The following RECK variants were observed in gnomAD, a reference collection of about 807,000 sequenced individuals.
RECK encodes reversion inducing cysteine rich protein with kazal motifs, also known as reversion-inducing cysteine-rich protein with Kazal motifs.
Under a neutral mutation model 115.1 loss-of-function variants are expected in RECK, and 69 were observed. The observed-to-expected ratio is 0.60, with a 90% CI of 0.49 to 0.73. The LOEUF is 0.73. Among genes scored for constraint, RECK ranks in the 30% least tolerant of loss-of-function variants. The pLI, the probability that RECK is intolerant of heterozygous loss-of-function variation, is 0.00. For missense variants in RECK, 1,047 were observed against 1,203.7 expected (o/e 0.87, Z 1.93); for synonymous variants, 414 against 419.7 (o/e 0.99, Z 0.17).
At chr9:36,081,099 T>A (rs1822668448) in intron 7 of RECK, among the ~76,000 whole-genome samples, 1 of 152,096 alleles carries the variant, frequency 6.6e-6, no homozygotes, top group Non-Finnish European at 1.5e-5. Flanking sequence ...TAGAGGTGGC[T>A]TCATGGAGTT....
chr9:36,071,123 C>G (rs1196764637), intron 6 of RECK, among the ~76,000 whole-genome samples: 1 of 152,162 alleles, frequency 6.6e-6, no homozygotes, highest in African/African-American at 2.4e-5. Context: ...TGCACATTGG[C>G]TGATTAGAAC....
In RECK at chr9:36,100,607, G is replaced by C. The variant is rs955751480; in HGVS notation, c.1298+64G>C. 81 of 1,233,762 alleles carry C rather than the reference G, an allele frequency of 6.6e-5. No homozygotes were observed. The African/African-American group carries it at 1.1e-3, about 17-fold the overall frequency. The allele number at this position is 1,233,762 out of a possible 1,614,324, so 76.4% of individuals were successfully genotyped here. ...TCAGACCCTCCGTGATCTCTAGCCA[G>C]AGCCTCTCCATAGAATTTTCTCTCT... is the stretch of plus-strand genomic sequence containing the variant. On this transcript the variant is annotated intron_variant, in intron 11 of 20. Coordinates refer to ENST00000377966, the MANE Select transcript of RECK (RefSeq NM_021111.3).
intron 1 of RECK, among the ~76,000 whole-genome samples, chr9:36,037,392 T>C (rs1161654932): frequency 6.6e-6 from 1 of 151,632 alleles, no homozygotes; most frequent in Non-Finnish European, 1.5e-5. Flanking sequence ...CCTCTGCTGC[T>C]TGTCAGAAAA....
chr9:36,069,752 G>A (rs1822156307), intron 6 of RECK, among the ~76,000 whole-genome samples: 1 of 152,004 alleles, frequency 6.6e-6, no homozygotes, highest in Admixed American at 6.6e-5. Context: ...AATAGGATGG[G>A]CAGGAGCAGT....
In RECK at chr9:36,036,924, G is replaced by A. The variant is rs1334055744; in HGVS notation, c.-75G>A. ...GGGGGCGGGGCCTCGCGCGAGCGGC[G>A]GCGGTAGCGGCGGCAGCGGCTGCGG... On this transcript the variant is annotated 5_prime_UTR_variant, in exon 1 of 21. Transcript: ENST00000377966. 23 of 977,854 alleles carry A rather than the reference G, an allele frequency of 2.4e-5. No individual in the cohort carries two copies. Among genetic ancestry groups the A allele is most frequent in the Non-Finnish European group, 1.3e-5 (10 of 745,268 alleles). 60.6% of individuals were successfully genotyped at this position (977,854 alleles called of 1,614,324 possible).
intron 9 of RECK, among the ~76,000 whole-genome samples, chr9:36,088,744 C>T (rs1310370235): frequency 6.6e-6 from 1 of 152,202 alleles, no homozygotes; most frequent in Non-Finnish European, 1.5e-5. Context: ...GAAGGTCGGG[C>T]GCGGTGGCTC....
chr9:36,107,965 TG>T lies in RECK; in HGVS notation c.1577-10del. The T allele has an allele frequency of 6.2e-7, 1 of 1,603,526 alleles. No individual in the cohort carries two copies. On this transcript the variant is annotated splice_polypyrimidine_tract_variant and intron_variant, in intron 13 of 20. Coordinates refer to ENST00000377966, the MANE Select transcript of RECK (RefSeq NM_021111.3). ...AGTACCATCTCTCTCAGCTAATTTT[TG>T]CTTGTACAGGTTGCAAACTGGGAGA...
At chr9:36,037,175 G>C in intron 1 of RECK, 77 bp downstream of exon 1, 1 of 1,041,498 alleles carries the variant, frequency 9.6e-7, no homozygotes, top group Non-Finnish European at 1.2e-6. Flanking sequence ...GCGGGGCAGG[G>C]GGCGGGGGTG....
chr9:36,087,745 A>G lies in RECK; in HGVS notation c.689A>G (p.Lys230Arg). The G allele has an allele frequency of 1.2e-6, 2 of 1,613,618 alleles. No individual in the cohort carries two copies. Among genetic ancestry groups the G allele is most frequent in the Middle Eastern group, 1.7e-4 (1 of 6,056 alleles). Residue 230 changes from lysine to arginine, a missense_variant, in exon 9 of 21, where the codon AAG becomes AGG. Coordinates refer to ENST00000377966, the MANE Select transcript of RECK (RefSeq NM_021111.3). ...GACCATGCTTGCCAAAATGCCTGCA[A>G]GAGAATCCTGATGTCCAAGAAAACG... ...AEDHACQNACKRILMSKKTEM... is the reference protein window; with the variant it reads ...AEDHACQNACRRILMSKKTEM...
chr9:36,109,131 A>G (rs945821630), intron 14 of RECK, among the ~76,000 whole-genome samples: 13 of 152,142 alleles, frequency 8.5e-5, no homozygotes, highest in Non-Finnish European at 1.5e-4. Flanking sequence ...TTTGTATCAC[A>G]GAAAATATCA....
chr9:36,041,597 T>A (rs925030512), intron 1 of RECK, among the ~76,000 whole-genome samples: 2 of 151,956 alleles, frequency 1.3e-5, no homozygotes, highest in African/African-American at 4.8e-5. Flanking sequence ...AAGCCAAGGG[T>A]AGGAAATTCA....
chr9:36,105,001 G>A (rs1012767923), intron 12 of RECK, 142 bp from the exon 13 acceptor site: 9 of 588,116 alleles, frequency 1.5e-5, no homozygotes, highest in African/African-American at 1.1e-4. Flanking sequence ...AAGAATCTCG[G>A]TGTTTTAATA....
At chr9:36,070,311 C>A (rs1339155836) in intron 6 of RECK, among the ~76,000 whole-genome samples, 1 of 151,690 alleles carries the variant, frequency 6.6e-6, no homozygotes, top group African/African-American at 2.4e-5. Context: ...ACTAAAAGAC[C>A]CATATCTCAG....
intron 10 of RECK, 117 bp from the exon 11 acceptor site, chr9:36,100,214 T>C (rs1823508527): frequency 4.2e-6 from 3 of 712,288 alleles, no homozygotes; most frequent in Admixed American, 2.6e-5. Flanking sequence ...ATGGGTTGTA[T>C]GTGCTTTCTT....
chr9:36,097,373 G>C (rs1189638134), intron 10 of RECK, among the ~76,000 whole-genome samples: 3 of 145,978 alleles, frequency 2.1e-5, no homozygotes, highest in African/African-American at 7.5e-5. Context: ...AACTTTCAAA[G>C]ACCCTTTACC....
At chr9:36,071,363 A>C (rs1475721783) in intron 6 of RECK, among the ~76,000 whole-genome samples, 1 of 152,176 alleles carries the variant, frequency 6.6e-6, no homozygotes, top group Non-Finnish European at 1.5e-5. Context: ...AATGGCTATA[A>C]AGTGATGAGA....
chr9:36,095,858 G>C (rs1401856668), intron 10 of RECK, among the ~76,000 whole-genome samples: 1 of 149,794 alleles, frequency 6.7e-6, no homozygotes, highest in Non-Finnish European at 1.5e-5. Context: ...ATCACCTGAG[G>C]TCAGGAGTTC....
Position 36,094,029 on chromosome 9 carries a change from T to C in RECK, c.1085+2686T>C, listed in dbSNP as rs1823252241. On this transcript the variant is annotated intron_variant, in intron 10 of 20. Coordinates refer to ENST00000377966, the MANE Select transcript of RECK (RefSeq NM_021111.3). The surrounding 1 kb of genome is among the most constrained non-coding windows in gnomAD (Gnocchi z 4.1). ...TGAAAATATTCTTCAAAAATAAAGG[T>C]ATTTCTAGATATTACAAAAAAAAAC... Among the ~76,000 whole-genome samples, 1 of 151,696 alleles carries C rather than the reference T, an allele frequency of 6.6e-6. No individual in the cohort carries two copies. Among genetic ancestry groups the C allele is most frequent in the Admixed American group, 6.6e-5 (1 of 15,212 alleles).
chr9:36,069,847 T>C (rs1212858472), intron 6 of RECK, among the ~76,000 whole-genome samples: 1 of 152,096 alleles, frequency 6.6e-6, no homozygotes, highest in East Asian at 1.9e-4. Flanking sequence ...CCAAAGATCT[T>C]AAAAGTAGTC....
Sources: gnomAD v4.1 joint callset for allele counts (sites outside exome capture counted in the v4.1 genomes callset) on GRCh38, gnomAD v4.1.1 for gene constraint, Gnocchi (gnomAD v3.1) non-coding constraint, MANE v1.5 for transcripts, NCBI Gene and HGNC (gene_info 2026-07-23, HGNC 2026-07-21) for gene names.